ZNF442: variants seen among roughly 807,000 people sequenced by gnomAD.
ZNF442 encodes zinc finger protein 442.
ZNF442 carries 45 observed loss-of-function variants against 57.0 expected under a neutral mutation model. That is an observed-to-expected ratio of 0.79 (90% CI 0.62 to 1.01). The LOEUF is 1.01. Ranked by LOEUF, ZNF442 falls within the 50% of genes least tolerant of loss-of-function variation. The pLI is 0.00. For missense variants in ZNF442, 690 were observed against 756.5 expected, an observed-to-expected ratio of 0.91 and a Z score of 1.03; for synonymous variants, 213 against 241.8, an observed-to-expected ratio of 0.88 and a Z score of 1.10.
rs201142836 is a variant in ZNF442 at position 12,351,996 on chromosome 19, T to C, written c.266+14A>G. The C allele has an allele frequency of 3.9e-5, 63 of 1,611,582 alleles. No homozygotes were observed. The African/African-American group carries it at 6.7e-4, about 17-fold the overall frequency. ...TCCACAGATATATGTCTTTCTCTTG[T>C]GAGTGCAAATTACCTTAGGCTCCTC... On this transcript the variant is annotated intron_variant, in intron 5 of 5. Coordinates refer to ENST00000242804, the MANE Select transcript of ZNF442 (RefSeq NM_030824.3).
chr19:12,372,850 T>C, the ZNF442 span, among the ~76,000 whole-genome samples: 1 of 152,338 alleles, frequency 6.6e-6, no homozygotes, highest in Non-Finnish European at 1.5e-5. Flanking sequence ...CTCAACTCAC[T>C]GCTACCTCTG....
upstream of ZNF442, among the ~76,000 whole-genome samples, chr19:12,369,903 T>TAA (rs76338567): frequency 2.1e-5 from 3 of 140,500 alleles, no homozygotes; most frequent in African/African-American, 2.6e-5. Flanking sequence ...AGACTCCATC[T>TAA]AAAAAAAAAA....
intron 3 of ZNF442, among the ~76,000 whole-genome samples, chr19:12,354,515 C>T (rs774091150): frequency 7.2e-5 from 11 of 152,098 alleles, no homozygotes; most frequent in Admixed American, 6.5e-5. Flanking sequence ...TATAAAAATG[C>T]TAAAAACTTT....
chr19:12,350,195 T>C lies in ZNF442; in HGVS notation c.1390A>G (p.Lys464Glu). ...THTGEKPYKC[K>E]CGKAFIDFYS... is the part of the protein sequence containing the mutation. ...AAATCAATAAAGGCTTTCCCACATT[T>C]ACATTTATAGGGTTTCTCTCCAGTG... The change falls in exon 6 of 6, where the codon AAA (lysine) becomes GAA (glutamate). Residue 464 changes from lysine (K) to glutamate (E), a missense_variant. By Grantham distance (56) the Lys-to-Glu change is moderately conservative. Transcript: ENST00000242804. 2 of 1,613,924 alleles carry C rather than the reference T, an allele frequency of 1.2e-6. No homozygotes were observed. The highest frequency in any genetic ancestry group is 1.7e-6 in the Non-Finnish European group (2 of 1,179,920).
intron 3 of ZNF442, among the ~76,000 whole-genome samples, chr19:12,355,250 C>T (rs1482950177): frequency 1.4e-5 from 2 of 140,252 alleles, no homozygotes; most frequent in Non-Finnish European, 3.0e-5. Flanking sequence ...GAGATCGCGC[C>T]ACTGCACTCC....
chr19:12,349,720 T>TGA lies in ZNF442; in HGVS notation c.1863_1864dup (p.His622LeufsTer41). ...CCACATTTATAGAGTATCTCTCCAG[T>TGA]GAGTCCTTTTATGTCTATGCAAGGA... is the stretch of plus-strand genomic sequence containing the variant. On this transcript the variant is annotated frameshift_variant, in exon 6 of 6. Transcript: ENST00000242804. LOFTEE classifies it high-confidence loss of function. The TGA allele has an allele frequency of 6.2e-7, 1 of 1,608,332 alleles. No homozygotes were observed. Among genetic ancestry groups the TGA allele is most frequent in the East Asian group, 2.2e-5 (1 of 44,826 alleles).
In ZNF442 at chr19:12,352,084, A is replaced by T. The variant is rs540527721; in HGVS notation, c.206-14T>A. 2 of 1,610,728 alleles carry T rather than the reference A, an allele frequency of 1.2e-6. No homozygotes were observed. The highest frequency in any genetic ancestry group is 1.1e-5 in the South Asian group (1 of 90,430). The stretch of plus-strand genomic sequence containing the variant: ...CCCATTTCATTCCTAAAAGGTGGAC[A>T]CAGAAAAAACACTGTAGATTATTAT... On this transcript the variant is annotated splice_polypyrimidine_tract_variant and intron_variant, in intron 4 of 5. Transcript: ENST00000242804.
intron 1 of ZNF442, 55 bp downstream of exon 1, chr19:12,365,478 C>A (rs1969517168): frequency 2.2e-6 from 1 of 448,694 alleles, no homozygotes; most frequent in South Asian, 2.3e-5. Context: ...CCGGTTCTGG[C>A]CGGTTCCAAC....
At chr19:12,361,910 CG>C (rs1208467140) in intron 3 of ZNF442, among the ~76,000 whole-genome samples, 2 of 152,170 alleles carry the variant, frequency 1.3e-5, no homozygotes, top group Non-Finnish European at 2.9e-5. Context: ...TTGGTGGAGA[CG>C]GGGTTTCACC....
chr19:12,359,010 T>C (rs1266830820), intron 3 of ZNF442, among the ~76,000 whole-genome samples: 4 of 152,110 alleles, frequency 2.6e-5, no homozygotes, highest in African/African-American at 4.8e-5. Flanking sequence ...ATAAAGGATA[T>C]CTCAAGAATA....
intron 4 of ZNF442, 61 bp downstream of exon 4, chr19:12,352,927 A>G: frequency 6.3e-7 from 1 of 1,575,442 alleles, no homozygotes; most frequent in Non-Finnish European, 8.6e-7. Flanking sequence ...ATTCAACAGC[A>G]TTGATGACCA....
rs1369013601 is a variant in ZNF442, at chr19:12,365,518, G to A, written c.-483+15C>T. On this transcript the variant is annotated intron_variant, in intron 1 of 5. Coordinates refer to ENST00000242804, the MANE Select transcript of ZNF442 (RefSeq NM_030824.3). ...CCTTCGCCCTGCCCCAGGACGCCGG[G>A]CCCCGCACACTCACCATTTCCCGGC... 7 of 568,552 alleles carry A rather than the reference G, an allele frequency of 1.2e-5. No individual in the cohort carries two copies. In the East Asian group the frequency reaches 4.3e-4, roughly 35 times the overall value. The allele number at this position is 568,552 out of a possible 1,614,324, so 35.2% of individuals were successfully genotyped here.
rs1371217514 is a variant in ZNF442 at position 12,353,049 on chromosome 19, T to G, written c.144A>C (p.Pro48=). ...FTQEEWALLG[P]SQKSLYRDVM... ...CATCTCTGTACAGACTCTTCTGTGA[T>G]GGACCCAGCAAAGCCCACTCTTCCT... Residue 48 remains proline, a synonymous_variant, in exon 4 of 6, where the codon CCA becomes CCC. Transcript: ENST00000242804. The G allele has an allele frequency of 6.2e-7, 1 of 1,613,818 alleles. No homozygotes were observed. The highest frequency in any genetic ancestry group is 8.5e-7 in the Non-Finnish European group (1 of 1,179,886).
intron 3 of ZNF442, among the ~76,000 whole-genome samples, chr19:12,360,290 G>A (rs1218339192): frequency 2.0e-5 from 3 of 152,272 alleles, no homozygotes; most frequent in South Asian, 2.1e-4. Flanking sequence ...CCCCACAACA[G>A]TAACAAATAC....
intron 3 of ZNF442, among the ~76,000 whole-genome samples, chr19:12,356,699 G>C (rs1969335775): frequency 6.6e-6 from 1 of 151,660 alleles, no homozygotes; most frequent in African/African-American, 2.4e-5. Context: ...AAAAAAGACA[G>C]AAAATTACTT....
intron 3 of ZNF442, among the ~76,000 whole-genome samples, chr19:12,361,147 T>C (rs939714661): frequency 2.0e-5 from 3 of 152,108 alleles, no homozygotes; most frequent in African/African-American, 7.2e-5. Flanking sequence ...GCCGAGATTG[T>C]GCCATTGCAC....
At chr19:12,370,885 G>A (rs1252780315), upstream of ZNF442, among the ~76,000 whole-genome samples, 4 of 150,846 alleles carry the variant, frequency 2.7e-5, no homozygotes, top group Non-Finnish European at 5.9e-5. Context: ...AGGCAGGAGA[G>A]TCGCTTCAAC....
In ZNF442 at chr19:12,350,560, C is replaced by T. The variant is rs1344084395; in HGVS notation, c.1025G>A (p.Arg342Lys). Residue 342 changes from arginine (R) to lysine (K), a missense_variant, in exon 6 of 6, where the codon AGG becomes AAG. By Grantham distance (26) the Arg-to-Lys change is conservative (BLOSUM62 2). Coordinates refer to ENST00000242804, the MANE Select transcript of ZNF442 (RefSeq NM_030824.3). ...TTTATGAGGTCCATCTCCAGTGTGCCTTATCATGTGTCTTTGAAAGCTTCC... is the reference window on the plus strand; with the variant it reads ...TTTATGAGGTCCATCTCCAGTGTGCTTTATCATGTGTCTTTGAAAGCTTCC... ...HLGSFQRHMIRHTGDGPHKCK... is the reference protein window; with the variant it reads ...HLGSFQRHMIKHTGDGPHKCK... 3.1e-6 allele frequency: 5 copies of T among 1,612,964 alleles called. No individual in the cohort carries two copies. The highest frequency in any genetic ancestry group is 4.2e-6 in the Non-Finnish European group (5 of 1,179,770).
rs780145845 is a variant in ZNF442 at position 12,351,278 on chromosome 19, C to G, written c.307G>C (p.Asp103His). 10 of 1,613,894 alleles carry G rather than the reference C, an allele frequency of 6.2e-6. No individual in the cohort carries two copies. In the Admixed American group the frequency reaches 8.3e-5, roughly 13 times the overall value. The change falls in exon 6 of 6, where the codon GAT (aspartate) becomes CAT (histidine). Residue 103 changes from aspartate to histidine, a missense_variant. Coordinates refer to ENST00000242804, the MANE Select transcript of ZNF442 (RefSeq NM_030824.3). Reference sequence around the variant, plus strand: ...GGAGGTTTTTCATTCACAGTACTATCTGGCTGGCGACTTTCACTAAATCTC... The same window carrying G: ...GGAGGTTTTTCATTCACAGTACTATGTGGCTGGCGACTTTCACTAAATCTC... ...IERFSESRQP[D>H]STVNEKPPGV...
Sources: allele counts gnomAD v4.1 joint callset (sites outside exome capture counted in the v4.1 genomes callset), GRCh38; gene constraint gnomAD v4.1.1; transcripts MANE v1.5; gene names NCBI Gene and HGNC (gene_info 2026-07-23, HGNC 2026-07-21).